The following NCKAP5L variants were observed in gnomAD, a reference collection of about 807,000 sequenced individuals.
The protein encoded by NCKAP5L is nck-associated protein 5-like.
In NCKAP5L, 54 loss-of-function variants were observed where a neutral mutation model predicts 103.2. The ratio of observed to expected loss-of-function variants is 0.52; its 90% CI spans 0.42 to 0.66. NCKAP5L has a LOEUF of 0.66. Ranked by LOEUF, NCKAP5L falls within the 30% of genes least tolerant of loss-of-function variation. The pLI, the probability that NCKAP5L is intolerant of heterozygous loss-of-function variation, is 0.00. For synonymous variants in NCKAP5L, 762 were observed against 748.6 expected (o/e 1.02, Z -0.29); for missense variants, 1,733 against 1,750.6 (o/e 0.99, Z 0.18).
chr12:49,799,979 T>G (rs1946100574), intron 6 of NCKAP5L, among the ~76,000 whole-genome samples: 1 of 152,194 alleles, frequency 6.6e-6, no homozygotes, highest in Non-Finnish European at 1.5e-5. Flanking sequence ...GTGGGTCACC[T>G]GATGTCAGGA....
Position 49,792,230 on chromosome 12 carries a change from G to A in NCKAP5L, c.3793-179C>T, listed in dbSNP as rs1371555027. The A allele has an allele frequency of 1.8e-6, 2 of 1,122,140 alleles. No homozygotes were observed. Among genetic ancestry groups the A allele is most frequent in the Non-Finnish European group, 2.6e-6 (2 of 771,768 alleles). The allele number at this position is 1,122,140 out of a possible 1,614,324, so 69.5% of individuals were successfully genotyped here. On this transcript the variant is annotated intron_variant, in intron 12 of 12. Transcript: ENST00000335999. This position sits in a 1 kb window ranked among gnomAD's most constrained non-coding sequence, Gnocchi z 4.5. Reference sequence around the variant, plus strand: ...GGTACAACTGAGAACAGTCCTACAAGGTTCTGGGGAGGGACAGAAACCTTT... The same window carrying A: ...GGTACAACTGAGAACAGTCCTACAAAGTTCTGGGGAGGGACAGAAACCTTT...
At chr12:49,826,968 C>T (rs1160092090) in intron 1 of NCKAP5L, among the ~76,000 whole-genome samples, 7 of 152,168 alleles carry the variant, frequency 4.6e-5, no homozygotes, top group Non-Finnish European at 1.0e-4. Flanking sequence ...GAATATCTCC[C>T]CGGAAAGGAA....
At chr12:49,812,834 G>T (rs1243652673) in intron 1 of NCKAP5L, among the ~76,000 whole-genome samples, 1 of 152,126 alleles carries the variant, frequency 6.6e-6, no homozygotes, top group Non-Finnish European at 1.5e-5. Context: ...GCATCCCCAG[G>T]GGATTGGATC....
At position 49,795,585 on chromosome 12, in the gene NCKAP5L, C is replaced by A; in HGVS notation, c.2275G>T (p.Ala759Ser). ...GAGACAGGCTCCAGGTCCACCCGGG[C>A]CCCCATGGAGTGAGAGGAGTAGACT... ...ARVYSSHSMG[A>S]RVDLEPVSPR... is the part of the protein sequence containing the mutation. The change falls in exon 8 of 13, where the codon GCC (alanine) becomes TCC (serine). Residue 759 changes from alanine to serine, a missense_variant. By Grantham distance (99) the Ala-to-Ser change is moderately conservative. Transcript: ENST00000335999. 1 of 1,559,642 alleles carries A rather than the reference C, an allele frequency of 6.4e-7. No individual in the cohort carries two copies.
Position 49,791,842 on chromosome 12 carries a change from G to A in NCKAP5L, c.4002C>T (p.Gly1334=), listed in dbSNP as rs1339811579. The change falls in exon 13 of 13, where the codon GGC becomes GGT. Residue 1334 remains glycine, a synonymous_variant. Coordinates refer to ENST00000335999, the MANE Select transcript of NCKAP5L (RefSeq NM_001037806.4). The part of the protein sequence containing the change: ...YDSLSSCGSQ[G] Reference sequence around the variant, plus strand: ...GGCCGTGGCGTGGCGCAGCCCCTCAGCCCTGACTCCCACAAGAGGACAGCG... The same window carrying A: ...GGCCGTGGCGTGGCGCAGCCCCTCAACCCTGACTCCCACAAGAGGACAGCG... The A allele has an allele frequency of 1.2e-6, 2 of 1,600,782 alleles. No individual in the cohort carries two copies. The highest frequency in any genetic ancestry group is 2.2e-5 in the East Asian group (1 of 44,506).
rs755384162 is a variant in NCKAP5L at position 49,792,677 on chromosome 12, C to A, written c.3649+1G>T. The A allele has an allele frequency of 6.2e-7, 1 of 1,612,776 alleles. No individual in the cohort carries two copies. ...TCCCACCCTCCCACCTGGACACTCA[C>A]CATCAGGACAGGTCTCATGGCCCCG... is the stretch of plus-strand genomic sequence containing the variant. On this transcript the variant is annotated splice_donor_variant, in intron 11 of 12. Transcript: ENST00000335999. LOFTEE classifies it high-confidence loss of function. The surrounding 1 kb of genome is among the most constrained non-coding windows in gnomAD (Gnocchi z 4.5).
At position 49,793,451 on chromosome 12, in the gene NCKAP5L, G is replaced by A; in HGVS notation, c.3259-18C>T. 1 of 1,607,980 alleles carries A rather than the reference G, an allele frequency of 6.2e-7. No homozygotes were observed. The highest frequency in any genetic ancestry group is 8.5e-7 in the Non-Finnish European group (1 of 1,178,682). ...CTGCTCGGCTGTGTGGGATACAGGA[G>A]ACCTCATAGTCCACTCCTCCCCCCT... On this transcript the variant is annotated intron_variant, in intron 9 of 12. Coordinates refer to ENST00000335999, the MANE Select transcript of NCKAP5L (RefSeq NM_001037806.4).
At chr12:49,813,934 T>C (rs905859463) in intron 1 of NCKAP5L, among the ~76,000 whole-genome samples, 3 of 152,050 alleles carry the variant, frequency 2.0e-5, no homozygotes, top group Non-Finnish European at 4.4e-5. Context: ...CAAGTGGTCC[T>C]CCCACTTCAG....
rs1273624512 is a variant in NCKAP5L, at chr12:49,801,893, G to C, written c.306C>G (p.Ala102=). The change falls in exon 6 of 13, where the codon GCC becomes GCG. Residue 102 remains alanine, a synonymous_variant. Transcript: ENST00000335999. ...TGAGCTGGAGTTTCTGCTGAAACAG[G>C]GCACTCAGCATCTGGTTCTGCCGTT... ...DLERQNQMLS[A]LFQQKLQLTT... is the part of the protein sequence containing the mutation. 1 of 1,613,864 alleles carries C rather than the reference G, an allele frequency of 6.2e-7. No homozygotes were observed. The highest frequency in any genetic ancestry group is 8.5e-7 in the Non-Finnish European group (1 of 1,179,888).
At chr12:49,811,702 C>T (rs537236916) in intron 1 of NCKAP5L, among the ~76,000 whole-genome samples, 4 of 152,042 alleles carry the variant, frequency 2.6e-5, no homozygotes, top group Admixed American at 6.6e-5. Flanking sequence ...TGAGGGACTC[C>T]GAGTCTGCAG....
At chr12:49,806,580 G>T (rs994527860) in intron 1 of NCKAP5L, among the ~76,000 whole-genome samples, 33 of 152,214 alleles carry the variant, frequency 2.2e-4, no homozygotes, top group Non-Finnish European at 4.4e-4. Context: ...CCTGGAAGGG[G>T]AGCACCCGCC....
chr12:49,797,256 G>C lies in NCKAP5L; in HGVS notation c.604C>G (p.Pro202Ala). The C allele has an allele frequency of 6.2e-7, 1 of 1,613,580 alleles. No individual in the cohort carries two copies. The highest frequency in any genetic ancestry group is 8.5e-7 in the Non-Finnish European group (1 of 1,179,824). ...EVLRALEETD[P>A]LLLCSPATPW... ...GTGGCAGGTGAGCAGAGAAGCAAGG[G>C]GTCAGTCTCTTCCAGGGCTCTCAGC... Residue 202 changes from proline (P) to alanine (A), a missense_variant, in exon 8 of 13, where the codon CCC becomes GCC. Coordinates refer to ENST00000335999, the MANE Select transcript of NCKAP5L (RefSeq NM_001037806.4). This position sits in a 1 kb window ranked among gnomAD's most constrained non-coding sequence, Gnocchi z 4.5.
intron 1 of NCKAP5L, among the ~76,000 whole-genome samples, chr12:49,816,949 G>C (rs764153496): frequency 5.1e-4 from 77 of 152,282 alleles, no homozygotes; most frequent in African/African-American, 1.8e-3. Flanking sequence ...GCGATTCAGA[G>C]AAGGGTCAGC....
intron 2 of NCKAP5L, chr12:49,805,778 G>T (rs1281323830): frequency 6.6e-6 from 1 of 152,286 alleles, no homozygotes. Context: ...AGCTATGATC[G>T]CCACTGTGCT....
rs1281093938 is a variant in NCKAP5L at position 49,796,281 on chromosome 12, A to G, written c.1579T>C (p.Tyr527His). The G allele has an allele frequency of 5.8e-6, 9 of 1,550,830 alleles. No homozygotes were observed. The highest frequency in any genetic ancestry group is 7.8e-6 in the Non-Finnish European group (9 of 1,147,714). Residue 527 changes from tyrosine (Y) to histidine (H), a missense_variant, in exon 8 of 13, where the codon TAC (tyrosine) becomes CAC (histidine). Transcript: ENST00000335999. ...QGLPTSPSPC[Y>H]TTPDSTQLRP... Reference sequence around the variant, plus strand: ...AGCTGTGTGGAGTCTGGGGTTGTGTAGCAGGGTGAAGGGCTGGTGGGCAGG... The same window carrying G: ...AGCTGTGTGGAGTCTGGGGTTGTGTGGCAGGGTGAAGGGCTGGTGGGCAGG...
In NCKAP5L at chr12:49,795,867, G is replaced by A. The variant is rs371267490; in HGVS notation, c.1993C>T (p.Leu665=). The A allele has an allele frequency of 2.0e-3, 3,079 of 1,567,596 alleles. 8 individuals carry two copies. Among genetic ancestry groups the A allele is most frequent in the Non-Finnish European group, 2.4e-3 (2,786 of 1,159,166 alleles). ...DPGSTPLRDR[L]AALGKLKTGP... is the part of the protein sequence containing the mutation. Reference sequence around the variant, plus strand: ...GTCTTCAGCTTCCCCAGGGCCGCCAGTCTGTCCCGCAGAGGTGTGCTGCCA... The same window carrying A: ...GTCTTCAGCTTCCCCAGGGCCGCCAATCTGTCCCGCAGAGGTGTGCTGCCA... The change falls in exon 8 of 13, where the codon CTG becomes TTG. Residue 665 remains leucine (L), a synonymous_variant. Transcript: ENST00000335999.
intron 6 of NCKAP5L, among the ~76,000 whole-genome samples, chr12:49,798,785 C>T (rs184772855): frequency 6.6e-6 from 1 of 152,302 alleles, no homozygotes; most frequent in Admixed American, 6.5e-5. Flanking sequence ...TTCTGTGGGG[C>T]TTCCTCTCCT....
In NCKAP5L at chr12:49,792,731, G is replaced by A. The variant is rs1378377261; in HGVS notation, c.3596C>T (p.Pro1199Leu). 6 of 1,610,272 alleles carry A rather than the reference G, an allele frequency of 3.7e-6. No homozygotes were observed. The highest frequency in any genetic ancestry group is 1.7e-4 in the Middle Eastern group (1 of 6,044). ...GCCCGGAGCAGCGGGTAGCAGTGCA[G>A]GGAAGGCTGGCATGCTGGGGTGCCG... Reference protein sequence around the residue: ...SGRHPSMPAFPALLPAAPGHR... With the variant: ...SGRHPSMPAFLALLPAAPGHR... The change falls in exon 11 of 13, where the codon CCT becomes CTT. Residue 1199 changes from proline (P) to leucine (L), a missense_variant. Pro to Leu is a moderately conservative substitution (Grantham distance 98). Transcript: ENST00000335999. The surrounding 1 kb of genome is among the most constrained non-coding windows in gnomAD (Gnocchi z 4.5).
chr12:49,814,107 C>G (rs1386321580), intron 1 of NCKAP5L, among the ~76,000 whole-genome samples: 1 of 151,472 alleles, frequency 6.6e-6, no homozygotes, highest in African/African-American at 2.4e-5. Flanking sequence ...CTTTGCCCAG[C>G]CTAGTTTTCA....
Sources: allele counts gnomAD v4.1 joint callset (sites outside exome capture counted in the v4.1 genomes callset), GRCh38; gene constraint gnomAD v4.1.1; non-coding constraint Gnocchi (gnomAD v3.1); transcripts MANE v1.5; gene names NCBI Gene and HGNC (gene_info 2026-07-23, HGNC 2026-07-21).